The following MYO9A variants were observed in gnomAD, a reference collection of about 807,000 sequenced individuals.
MYO9A encodes myosin IXA, also known as unconventional myosin-IXa.
A neutral mutation model predicts 293.3 loss-of-function variants in MYO9A; 103 were observed. The ratio of observed to expected loss-of-function variants is 0.35; its 90% confidence interval spans 0.30 to 0.41. The LOEUF (loss-of-function observed/expected upper bound fraction) is 0.41. Ranked by LOEUF, MYO9A falls within the 10% of genes least tolerant of loss-of-function variation. The pLI is 1.00. For synonymous variants in MYO9A, 1,001 were observed against 1,035.7 expected (o/e 0.97, Z 0.64); for missense variants, 2,685 against 3,033.0 (o/e 0.89, Z 2.69).
intron 27 of MYO9A, among the ~76,000 whole-genome samples, chr15:71,885,242 T>G (rs1409106287): frequency 6.6e-6 from 1 of 152,132 alleles, no homozygotes; most frequent in Admixed American, 6.6e-5. Flanking sequence ...AGAATTATAC[T>G]GTAATTTTAG....
intron 1 of MYO9A, among the ~76,000 whole-genome samples, chr15:72,101,459 G>A (rs2080316473): frequency 7.7e-6 from 1 of 129,516 alleles, no homozygotes; most frequent in Non-Finnish European, 1.7e-5. Flanking sequence ...CGTCCGGGAG[G>A]GAGGTGGCGG....
chr15:71,988,620 C>T (rs2076462891), intron 11 of MYO9A, among the ~76,000 whole-genome samples: 1 of 151,946 alleles, frequency 6.6e-6, no homozygotes, highest in Non-Finnish European at 1.5e-5. Context: ...AAAGCTAAGA[C>T]AGCAACAAGA....
chr15:71,842,582 G>A (rs2055204772), intron 39 of MYO9A, among the ~76,000 whole-genome samples: 1 of 152,022 alleles, frequency 6.6e-6, no homozygotes, highest in African/African-American at 2.4e-5. Context: ...ATATGTGGCT[G>A]GGCACGGTGG....
Position 72,045,810 on chromosome 15 carries a change from G to A in MYO9A, c.754C>T (p.Leu252Phe). 2 of 1,614,164 alleles carry A rather than the reference G, an allele frequency of 1.2e-6. No individual in the cohort carries two copies. Among genetic ancestry groups the A allele is most frequent in the East Asian group, 2.2e-5 (1 of 44,868 alleles). The change falls in exon 2 of 42, where the codon CTT becomes TTT. Residue 252 changes from leucine (L) to phenylalanine (F), a missense_variant. Transcript: ENST00000356056. Reference protein sequence around the residue: ...GSGKTQSTNFLIHHLTALSQK... With the variant: ...GSGKTQSTNFFIHHLTALSQK... Reference sequence around the variant, plus strand: ...CTGAGAGCAGTAAGGTGGTGAATAAGAAAGTTTGTGCTTTGAGTCTTCCCA... The same window carrying A: ...CTGAGAGCAGTAAGGTGGTGAATAAAAAAGTTTGTGCTTTGAGTCTTCCCA...
chr15:71,958,620 G>T (rs1286317212), intron 14 of MYO9A: 1 of 152,004 alleles, frequency 6.6e-6, no homozygotes, highest in Non-Finnish European at 1.5e-5. Flanking sequence ...TTTACTTTGT[G>T]GTACTCCACT....
rs2075921151 is a variant in MYO9A, at chr15:71,968,065, A to C, written c.1905T>G (p.Asn635Lys). Reference protein sequence around the residue: ...LDKFKHQHEDNSYIEFPAVME... With the variant: ...LDKFKHQHEDKSYIEFPAVME... ...TCACGGCTGGAAATTCGATGTAAGA[A>C]TTATCTTCATGTTGATGCTTAAACT... Residue 635 changes from asparagine to lysine, a missense_variant, in exon 13 of 42, where the codon AAT becomes AAG. Physicochemically the swap from Asn to Lys is moderately conservative, Grantham distance 94. Transcript: ENST00000356056. 1 of 1,612,680 alleles carries C rather than the reference A, an allele frequency of 6.2e-7. No individual in the cohort carries two copies. Among genetic ancestry groups the C allele is most frequent in the African/African-American group, 1.3e-5 (1 of 74,892 alleles).
chr15:71,899,053 T>C, intron 24 of MYO9A, 21 bp from the exon 25 acceptor site: 1 of 1,531,098 alleles, frequency 6.5e-7, no homozygotes, highest in East Asian at 2.3e-5. Flanking sequence ...ACAGACAAAA[T>C]GGGTTATAGA....
In MYO9A at chr15:72,069,384, T is replaced by C. The variant is rs1045932216; in HGVS notation, c.-71-22750A>G. Among the ~76,000 whole-genome samples, 4 of 151,986 alleles carry C rather than the reference T, an allele frequency of 2.6e-5. No homozygotes were observed. The East Asian group carries it at 7.7e-4, about 29-fold the overall frequency. ...TACTAGTATATAGGCTTGTTAAGGG[T>C]AGAATATTTTTTTGTCTTTCCATCT... is the stretch of plus-strand genomic sequence containing the variant. On this transcript the variant is annotated intron_variant, in intron 1 of 41. Coordinates refer to ENST00000356056, the MANE Select transcript of MYO9A (RefSeq NM_006901.4).
At chr15:71,927,005 T>C (rs1416861613) in intron 18 of MYO9A, among the ~76,000 whole-genome samples, 1 of 151,502 alleles carries the variant, frequency 6.6e-6, no homozygotes, top group Non-Finnish European at 1.5e-5. Flanking sequence ...TGGGTAAGAG[T>C]ACAAATCCAC....
chr15:72,010,502 T>G (rs1460856572), intron 6 of MYO9A, 55 bp from the exon 7 acceptor site: 2 of 1,458,714 alleles, frequency 1.4e-6, no homozygotes, highest in Admixed American at 1.8e-5. Flanking sequence ...TAAAATAATG[T>G]GGGCCATTCA....
At chr15:72,110,955 C>T (rs1291260330) in intron 1 of MYO9A, among the ~76,000 whole-genome samples, 12 of 151,462 alleles carry the variant, frequency 7.9e-5, no homozygotes, top group Admixed American at 5.3e-4. Context: ...GTCAGGAGAT[C>T]GAGACCATCC....
intron 1 of MYO9A, among the ~76,000 whole-genome samples, chr15:72,050,670 C>G (rs1566985839): frequency 1.3e-5 from 2 of 152,010 alleles, no homozygotes; most frequent in Non-Finnish European, 1.5e-5. Flanking sequence ...TGTACATTAC[C>G]AGGCTCAACA....
chr15:71,933,079 T>C (rs1459198128), intron 18 of MYO9A, among the ~76,000 whole-genome samples: 2 of 152,104 alleles, frequency 1.3e-5, no homozygotes, highest in Non-Finnish European at 2.9e-5. Context: ...CTGCCCACTA[T>C]TTATATATTG....
At chr15:71,860,901 A>T (rs1482216038) in intron 33 of MYO9A, among the ~76,000 whole-genome samples, 1 of 133,698 alleles carries the variant, frequency 7.5e-6, no homozygotes, top group Non-Finnish European at 1.5e-5. Flanking sequence ...TGGAAGGCGG[A>T]GGCTGCAGTG....
At chr15:71,926,640 GA>G (rs1396494365) in intron 18 of MYO9A, among the ~76,000 whole-genome samples, 1 of 152,220 alleles carries the variant, frequency 6.6e-6, no homozygotes, top group East Asian at 1.9e-4. Context: ...TTGGGAGGTA[GA>G]GGCTGCAGTG....
chr15:71,875,380 G>C (rs2056653279), intron 32 of MYO9A, among the ~76,000 whole-genome samples: 1 of 152,056 alleles, frequency 6.6e-6, no homozygotes, highest in Admixed American at 6.5e-5. Context: ...TATATATTGT[G>C]TGATTGTATA....
At chr15:71,889,502 C>CTGGA (rs892615249) in intron 26 of MYO9A, 1 of 121,200 alleles carries the variant, frequency 8.3e-6, no homozygotes, top group Admixed American at 1.1e-4. Flanking sequence ...GTTGCTCAGG[C>CTGGA]TGGAGTGCAG....
intron 25 of MYO9A, among the ~76,000 whole-genome samples, chr15:71,895,076 G>A (rs2057285695): frequency 1.3e-5 from 2 of 152,108 alleles, no homozygotes; most frequent in South Asian, 2.1e-4. Flanking sequence ...CAATAAGCCC[G>A]AAACAAACAC....
chr15:71,904,153 T>C, intron 20 of MYO9A, 114 bp from the exon 21 acceptor site: 1 of 822,862 alleles, frequency 1.2e-6, no homozygotes, highest in Admixed American at 2.3e-5. Context: ...GTTGTCTGGT[T>C]AACATATACA....
Sources: gnomAD v4.1 joint callset for allele counts (sites outside exome capture counted in the v4.1 genomes callset) on GRCh38, gnomAD v4.1.1 for gene constraint, MANE v1.5 for transcripts, NCBI Gene and HGNC (gene_info 2026-07-23, HGNC 2026-07-21) for gene names.